MARK4: variants seen among roughly 807,000 people sequenced by gnomAD.
The protein encoded by MARK4 is microtubule affinity regulating kinase 4, also known as MAP/microtubule affinity-regulating kinase 4.
MARK4 carries 19 observed loss-of-function variants against 81.5 expected under a neutral mutation model. That is an observed-to-expected ratio of 0.23 (90% CI 0.16 to 0.34). The LOEUF (loss-of-function observed/expected upper bound fraction) is 0.34. Ranked by LOEUF, MARK4 falls within the 10% of genes least tolerant of loss-of-function variation. The pLI is 1.00. For synonymous variants in MARK4, 436 were observed against 439.0 expected, an observed-to-expected ratio of 0.99 and a Z score of 0.08; for missense variants, 772 against 1,058.8, an observed-to-expected ratio of 0.73 and a Z score of 3.76.
chr19:45,263,024 C>G, intron 2 of MARK4, 89 bp from the exon 3 acceptor site: 1 of 1,492,564 alleles, frequency 6.7e-7, no homozygotes, highest in Non-Finnish European at 9.1e-7. Flanking sequence ...CTTGGTCTTC[C>G]CAAAATGCTG....
chr19:45,280,136 C>T, intron 10 of MARK4: 1 of 446,394 alleles, frequency 2.2e-6, no homozygotes, highest in Non-Finnish European at 4.1e-6. Context: ...ATTGCTTGTG[C>T]CCAGGAGTTT....
At chr19:45,298,563 C>T (rs1599806121) in intron 15 of MARK4, among the ~76,000 whole-genome samples, 1 of 152,164 alleles carries the variant, frequency 6.6e-6, no homozygotes, top group Non-Finnish European at 1.5e-5. Context: ...TTGGAAAGTG[C>T]TTTACATGTG....
intron 2 of MARK4, among the ~76,000 whole-genome samples, chr19:45,260,269 A>G (rs1442584823): frequency 6.6e-6 from 1 of 150,762 alleles, no homozygotes; most frequent in Non-Finnish European, 1.5e-5. Flanking sequence ...AGGCACCTGT[A>G]ATTTCAGCTA....
At chr19:45,264,931 G>C (rs1244238651) in intron 6 of MARK4, 21 bp downstream of exon 6, 1 of 1,612,744 alleles carries the variant, frequency 6.2e-7, no homozygotes, top group Non-Finnish European at 8.5e-7. Context: ...GGCTGAGGGT[G>C]GGGCTGACTG....
chr19:45,298,084 C>A, intron 15 of MARK4, 130 bp downstream of exon 15: 3 of 1,573,470 alleles, frequency 1.9e-6, no homozygotes, highest in Non-Finnish European at 1.7e-6. Flanking sequence ...CTCGTTTCCT[C>A]CTCCTCCTCC....
intron 13 of MARK4, among the ~76,000 whole-genome samples, 196 bp from the exon 14 acceptor site, chr19:45,294,153 C>T (rs1970854917): frequency 6.6e-6 from 1 of 152,182 alleles, no homozygotes; most frequent in Admixed American, 6.5e-5. Context: ...GGGGTCTCCC[C>T]TGACTCAGCC....
At chr19:45,282,590 A>G (rs8103360) in intron 12 of MARK4, among the ~76,000 whole-genome samples, 151,114 of 152,274 alleles carry the variant, frequency 0.99, 74,986 homozygotes, top group Middle Eastern at 1. Flanking sequence ...CACTTTAGGA[A>G]GCCGAGGTGG....
In MARK4 at chr19:45,295,076, A is replaced by G. The variant is rs371720951; in HGVS notation, c.1598+624A>G. ...TTAACAGTCACAAATCTGTCCAGGC[A>G]CAGTGGCTCATGCCTGTAATACCAG... On this transcript the variant is annotated intron_variant, in intron 14 of 16. Coordinates refer to ENST00000262891, the MANE Select transcript of MARK4 (RefSeq NM_001199867.2). 1.7e-4 allele frequency among the ~76,000 whole-genome samples: 26 copies of G among 152,186 alleles called. No homozygotes were observed. The South Asian group carries it at 3.3e-3, about 19-fold the overall frequency.
intron 1 of MARK4, among the ~76,000 whole-genome samples, chr19:45,256,583 C>T (rs1194753166): frequency 6.6e-6 from 1 of 152,014 alleles, no homozygotes; most frequent in East Asian, 1.9e-4. Context: ...GGAGAGGGGA[C>T]AGTTGATGGG....
chr19:45,295,358 CAAA>C (rs888838866), intron 14 of MARK4, among the ~76,000 whole-genome samples: 1 of 143,894 alleles, frequency 6.9e-6, no homozygotes, highest in African/African-American at 2.5e-5. Context: ...GACTCCATCT[CAAA>C]AAAAAAAAGT....
chr19:45,300,344 GAAAAAAAAAAAAA>G (rs745730201), intron 16 of MARK4, among the ~76,000 whole-genome samples: 1,755 of 32,358 alleles, frequency 0.054, 102 homozygotes, highest in African/African-American at 0.16. Flanking sequence ...AACTCCGTCT[GAAAAAAAAAAAAA>G]AAAAAAAAAA....
In MARK4 at chr19:45,287,556, G is replaced by A. The variant is rs768137609; in HGVS notation, c.1386G>A (p.Ala462=). 1.6e-5 allele frequency: 26 copies of A among 1,591,416 alleles called. No homozygotes were observed. Among genetic ancestry groups the A allele is most frequent in the Middle Eastern group, 1.7e-4 (1 of 6,024 alleles). Residue 462 remains alanine (A), a synonymous_variant, in exon 13 of 17, where the codon GCG becomes GCA. Coordinates refer to ENST00000262891, the MANE Select transcript of MARK4 (RefSeq NM_001199867.2). ...GCCGGAAGGCGAGCTGCAGCACCGC[G>A]GGGAGTGGGAGTCGAGGGCTGCCCC... The part of the protein sequence containing the change: ...LPGRKASCST[A]GSGSRGLPPS...
At chr19:45,296,239 A>G (rs1443519837) in intron 14 of MARK4, among the ~76,000 whole-genome samples, 1 of 152,234 alleles carries the variant, frequency 6.6e-6, no homozygotes, top group Non-Finnish European at 1.5e-5. Context: ...TTAAAAAAAA[A>G]TTTAAAAACA....
chr19:45,301,557 CAAAA>C (rs10630193), intron 16 of MARK4, among the ~76,000 whole-genome samples: 83 of 49,510 alleles, frequency 1.7e-3, no homozygotes, highest in African/African-American at 5.6e-3. Flanking sequence ...AACTCTGTCT[CAAAA>C]AAAAAAAAAA....
intron 2 of MARK4, among the ~76,000 whole-genome samples, chr19:45,260,567 C>T (rs960195101): frequency 4.5e-4 from 67 of 150,320 alleles, no homozygotes; most frequent in African/African-American, 1.2e-3. Flanking sequence ...TGTGGTGGTG[C>T]GTGCCTGTAA....
intron 1 of MARK4, among the ~76,000 whole-genome samples, chr19:45,257,277 A>G (rs949032360): frequency 2.6e-5 from 4 of 152,176 alleles, no homozygotes; most frequent in Non-Finnish European, 4.4e-5. Flanking sequence ...ATCTTTTAAC[A>G]AGAAAGTATT....
In MARK4 at chr19:45,278,560, G is replaced by A. The variant is rs369042560; in HGVS notation, c.951G>A (p.Glu317=). 3 of 1,613,928 alleles carry A rather than the reference G, an allele frequency of 1.9e-6. No homozygotes were observed. Among genetic ancestry groups the A allele is most frequent in the Non-Finnish European group, 2.5e-6 (3 of 1,180,010 alleles). Residue 317 remains glutamate (E), a synonymous_variant, in exon 10 of 17, where the codon GAG becomes GAA. Coordinates refer to ENST00000262891, the MANE Select transcript of MARK4 (RefSeq NM_001199867.2). ...DKWINIGYEG[E]ELKPYTEPEE... ...GGATCAACATCGGCTATGAGGGTGA[G>A]GAGTTGAAGCCATACACAGAGCCCG...
chr19:45,276,622 A>AT (rs764253527), intron 8 of MARK4, among the ~76,000 whole-genome samples: 1,384 of 123,616 alleles, frequency 0.011, 15 homozygotes, highest in Non-Finnish European at 0.015. Context: ...CATTTTACAG[A>AT]TTTTTTTTTT....
At chr19:45,293,166 G>T (rs568892707) in intron 13 of MARK4, among the ~76,000 whole-genome samples, 1 of 152,186 alleles carries the variant, frequency 6.6e-6, no homozygotes, top group Admixed American at 6.5e-5. Flanking sequence ...CTACTCGGGA[G>T]ACTAAGGCAG....
Sources: gnomAD v4.1 joint callset for allele counts (sites outside exome capture counted in the v4.1 genomes callset) on GRCh38, gnomAD v4.1.1 for gene constraint, MANE v1.5 for transcripts, NCBI Gene and HGNC (gene_info 2026-07-23, HGNC 2026-07-21) for gene names.